TMC1: variants seen among roughly 807,000 people sequenced by gnomAD.
The protein encoded by TMC1 is transmembrane channel like 1, also known as transmembrane channel-like protein 1.
TMC1 carries 84 observed loss-of-function variants against 105.8 expected under a neutral mutation model. The observed-to-expected ratio is 0.79, with a 90% confidence interval of 0.67 to 0.95. TMC1 has a LOEUF of 0.95. TMC1 is among the 40% of genes least tolerant of loss of function. The pLI, the probability that TMC1 is intolerant of heterozygous loss-of-function variation, is 0.00. For missense variants in TMC1, 817 were observed against 914.1 expected (o/e 0.89, Z 1.37); for synonymous variants, 315 against 311.5 (o/e 1.01, Z -0.12).
rs143600476 is a variant in TMC1, at chr9:72,547,218, C to T, written c.-428+25305C>T. ...AGGAGAGTGGTTTAAACCTGGGAGG[C>T]GGAGGTTGCAGTGAGCCGAGATTGT... On this transcript the variant is annotated intron_variant, in intron 1 of 23. Transcript: ENST00000297784. 6.5e-3 allele frequency among the ~76,000 whole-genome samples: 949 copies of T among 145,180 alleles called. 10 individuals are homozygous for T. The highest frequency in any genetic ancestry group is 0.022 in the African/African-American group (855 of 38,534).
At chr9:72,572,992 A>AAAAAT (rs546567137) in intron 1 of TMC1, among the ~76,000 whole-genome samples, 4 of 152,300 alleles carry the variant, frequency 2.6e-5, no homozygotes, top group African/African-American at 4.8e-5. Context: ...ACTCTGTCTC[A>AAAAAT]AAAATAAAAT....
In TMC1 at chr9:72,725,325, G is replaced by GTATATATATA. The variant is rs57562145; in HGVS notation, c.363-14760_363-14751dup. 4.4e-3 allele frequency among the ~76,000 whole-genome samples: 337 copies of GTATATATATA among 77,390 alleles called. 13 individuals are homozygous for GTATATATATA. Among genetic ancestry groups the GTATATATATA allele is most frequent in the East Asian group, 5.6e-3 (11 of 1,962 alleles). The allele number at this position is 77,390 out of a possible 152,430, so 50.8% of individuals were successfully genotyped here. A position where few individuals can be genotyped will look rare whatever the true frequency, so the allele number is the denominator to read the frequency against. ...CCACACACACATTTTATGTGTGTAT[G>GTATATATATA]TATATATATATATATATATATATAT... On this transcript the variant is annotated intron_variant, in intron 8 of 23. Coordinates refer to ENST00000297784, the MANE Select transcript of TMC1 (RefSeq NM_138691.3).
intron 10 of TMC1, among the ~76,000 whole-genome samples, chr9:72,745,718 G>A (rs1003171463): frequency 6.6e-6 from 1 of 152,120 alleles, no homozygotes; most frequent in African/African-American, 2.4e-5. Flanking sequence ...ATGTATCTGT[G>A]ATCACCTTTG....
chr9:72,599,154 C>T (rs1824766611), intron 2 of TMC1, among the ~76,000 whole-genome samples: 1 of 152,130 alleles, frequency 6.6e-6, no homozygotes, highest in African/African-American at 2.4e-5. Context: ...CCTCAGTCTC[C>T]CGAGTAGCTG....
At chr9:72,735,714 C>T (rs551761919) in intron 8 of TMC1, among the ~76,000 whole-genome samples, 4 of 152,332 alleles carry the variant, frequency 2.6e-5, no homozygotes, top group African/African-American at 7.2e-5. Flanking sequence ...GGCATGCCCT[C>T]TCCTTGAGTC....
intron 8 of TMC1, among the ~76,000 whole-genome samples, chr9:72,725,361 A>G (rs1323793436): frequency 1.2e-5 from 1 of 83,144 alleles, no homozygotes; most frequent in African/African-American, 5.1e-5. Flanking sequence ...ATATATATAT[A>G]TATATATGTA....
At chr9:72,807,908 A>T (rs952078061) in intron 18 of TMC1, among the ~76,000 whole-genome samples, 1 of 152,128 alleles carries the variant, frequency 6.6e-6, no homozygotes, top group Non-Finnish European at 1.5e-5. Flanking sequence ...TGCTGACTCC[A>T]TCACCAGCTT....
intron 8 of TMC1, among the ~76,000 whole-genome samples, chr9:72,704,134 A>G (rs571161353): frequency 2.0e-5 from 3 of 152,202 alleles, no homozygotes; most frequent in South Asian, 2.1e-4. Flanking sequence ...TCTTTCAGAG[A>G]CATCTAACTT....
At chr9:72,559,450 G>A (rs1030726890) in intron 1 of TMC1, among the ~76,000 whole-genome samples, 1 of 151,270 alleles carries the variant, frequency 6.6e-6, no homozygotes, top group African/African-American at 2.5e-5. Flanking sequence ...GGCCCCCACC[G>A]ATGCCCATAA....
At chr9:72,814,896 T>TTGTGTGTGTGTGTGTGTG (rs57564294) in intron 18 of TMC1, among the ~76,000 whole-genome samples, 4 of 119,234 alleles carry the variant, frequency 3.4e-5, no homozygotes, top group South Asian at 3.4e-4. Flanking sequence ...TGGATCATCT[T>TTGTGTGTGTGTGTGTGTG]TGTGTGTGTG....
At chr9:72,755,937 T>G (rs1041368574) in intron 12 of TMC1, among the ~76,000 whole-genome samples, 1 of 152,210 alleles carries the variant, frequency 6.6e-6, no homozygotes, top group Non-Finnish European at 1.5e-5. Flanking sequence ...ACAGGCTAAA[T>G]GAATCTCATT....
In TMC1 at chr9:72,561,340, AG is replaced by A. The variant is rs201835229; in HGVS notation, c.-427-16561del. ...CTCAAAAAAAAAAAAAAAAAAAAAA[AG>A]AGAGAGAGAAAATAACTCAGCTTCA... On this transcript the variant is annotated intron_variant, in intron 1 of 23. Transcript: ENST00000297784. 4.0e-3 allele frequency among the ~76,000 whole-genome samples: 544 copies of A among 137,632 alleles called. 3 individuals are homozygous for A. Among genetic ancestry groups the A allele is most frequent in the African/African-American group, 0.015 (524 of 35,412 alleles). The allele number at this position is 137,632 out of a possible 152,430, so 90.3% of individuals were successfully genotyped here. A position where few individuals can be genotyped will look rare whatever the true frequency, so the allele number is the denominator to read the frequency against.
intron 8 of TMC1, among the ~76,000 whole-genome samples, chr9:72,727,967 C>T (rs1447950837): frequency 2.6e-5 from 4 of 152,070 alleles, no homozygotes; most frequent in Non-Finnish European, 5.9e-5. Flanking sequence ...ATGCTTCACA[C>T]TAAAAAAGAA....
chr9:72,523,435 C>T (rs1823349371), intron 1 of TMC1, among the ~76,000 whole-genome samples: 1 of 152,120 alleles, frequency 6.6e-6, no homozygotes, highest in Non-Finnish European at 1.5e-5. Context: ...ATAACATAAA[C>T]AGTTTATTAA....
intron 2 of TMC1, among the ~76,000 whole-genome samples, chr9:72,579,315 G>T (rs1454527142): frequency 6.6e-6 from 1 of 152,084 alleles, no homozygotes; most frequent in South Asian, 2.1e-4. Context: ...GGCTTCACCT[G>T]TTTGGTCTCT....
intron 13 of TMC1, among the ~76,000 whole-genome samples, chr9:72,774,618 G>A (rs989409318): frequency 6.6e-6 from 1 of 152,094 alleles, no homozygotes; most frequent in African/African-American, 2.4e-5. Flanking sequence ...AGTCATTCAT[G>A]TTATATCATC....
At chr9:72,618,022 CTTTTTTTTTT>C (rs34497983) in intron 3 of TMC1, among the ~76,000 whole-genome samples, 5 of 79,202 alleles carry the variant, frequency 6.3e-5, no homozygotes, top group Admixed American at 3.2e-4. Context: ...CTGGGTACAT[CTTTTTTTTTT>C]TTTTTTTTTT....
intron 4 of TMC1, among the ~76,000 whole-genome samples, chr9:72,639,862 G>A (rs10122656): frequency 0.51 from 77,081 of 151,934 alleles, 19,809 homozygotes; most frequent in African/African-American, 0.59. Context: ...AGCTTTTTTC[G>A]TTGTTCATCT....
intron 1 of TMC1, among the ~76,000 whole-genome samples, chr9:72,559,442 C>T (rs1333715280): frequency 6.7e-6 from 1 of 150,114 alleles, no homozygotes; most frequent in East Asian, 1.9e-4. Flanking sequence ...ACTTTGTAGG[C>T]CCCCACCGAT....
Sources: allele counts gnomAD v4.1 joint callset (sites outside exome capture counted in the v4.1 genomes callset), GRCh38; gene constraint gnomAD v4.1.1; transcripts MANE v1.5; gene names NCBI Gene and HGNC (gene_info 2026-07-23, HGNC 2026-07-21).